Variants in TCEANC2 observed in about 807,000 individuals in gnomAD.
TCEANC2 encodes the protein transcription elongation factor A N-terminal and central domain-containing protein 2.
A neutral mutation model predicts 22.8 loss-of-function variants in TCEANC2; 20 were observed. The ratio of observed to expected loss-of-function variants is 0.88; its 90% CI spans 0.62 to 1.28. TCEANC2 has a LOEUF of 1.28. TCEANC2 is among the 50% of genes most tolerant of loss of function. TCEANC2 has a pLI of 0.00. For synonymous variants in TCEANC2, 84 were observed against 95.5 expected (o/e 0.88, Z 0.70); for missense variants, 251 against 249.7 (o/e 1.01, Z -0.03).
At chr1:54,107,701 T>C (rs974262932), downstream of TCEANC2, among the ~76,000 whole-genome samples, 1 of 152,246 alleles carries the variant, frequency 6.6e-6, no homozygotes, top group Non-Finnish European at 1.5e-5. Flanking sequence ...ATAGTGATCA[T>C]AAATTCATAT....
At chr1:54,074,210 T>A (rs927273594) in intron 3 of TCEANC2, among the ~76,000 whole-genome samples, 1 of 152,134 alleles carries the variant, frequency 6.6e-6, no homozygotes, top group Non-Finnish European at 1.5e-5. Flanking sequence ...AGGCCTGTAA[T>A]CTCAGCACTT....
chr1:54,060,499 G>T (rs938442002), intron 2 of TCEANC2, among the ~76,000 whole-genome samples: 15 of 152,050 alleles, frequency 9.9e-5, no homozygotes, highest in African/African-American at 3.1e-4. Flanking sequence ...AGCTCAGGAG[G>T]TTGAGGCTGT....
intron 3 of TCEANC2, among the ~76,000 whole-genome samples, chr1:54,076,532 T>C (rs1404127925): frequency 6.6e-6 from 1 of 152,210 alleles, no homozygotes; most frequent in African/African-American, 2.4e-5. Context: ...TGATTCCATG[T>C]CTTTGCTATT....
At chr1:54,070,059 C>G (rs1424338880) in intron 3 of TCEANC2, among the ~76,000 whole-genome samples, 1 of 152,170 alleles carries the variant, frequency 6.6e-6, no homozygotes, top group Non-Finnish European at 1.5e-5. Context: ...AGAACTGGCA[C>G]TAACAGCTGG....
At position 54,096,914 on chromosome 1, in the gene TCEANC2, C is replaced by G; in HGVS notation, c.*441C>G. ...CCCTGAGTTTAGATAGCTCTGGTGC[C>G]TCTCAGAACTCCCCTGTCTGTTCTC... is the stretch of plus-strand genomic sequence containing the variant. On this transcript the variant is annotated 3_prime_UTR_variant, in exon 5 of 5. Coordinates refer to ENST00000234827, the MANE Select transcript of TCEANC2 (RefSeq NM_153035.3). The surrounding 1 kb of genome is among the most constrained non-coding windows in gnomAD (Gnocchi z 4.9). 7 of 987,886 alleles carry G rather than the reference C, an allele frequency of 7.1e-6. No individual in the cohort carries two copies. Among genetic ancestry groups the G allele is most frequent in the Non-Finnish European group, 7.2e-6 (6 of 831,282 alleles). 61.2% of individuals were successfully genotyped at this position (987,886 alleles called of 1,614,324 possible).
chr1:54,096,022 G>A lies in TCEANC2; in HGVS notation c.439-263G>A, dbSNP rs1429290767. Among the ~76,000 whole-genome samples, 3 of 152,176 alleles carry A rather than the reference G, an allele frequency of 2.0e-5. No homozygotes were observed. Among genetic ancestry groups the A allele is most frequent in the African/African-American group, 7.2e-5 (3 of 41,446 alleles). ...TGGTAAAGTACAGGGCCCAGTACCC[G>A]TTGCTTAGTTCAGGCCAGTTTCCTG... is the stretch of plus-strand genomic sequence containing the variant. On this transcript the variant is annotated intron_variant, in intron 4 of 4. Coordinates refer to ENST00000234827, the MANE Select transcript of TCEANC2 (RefSeq NM_153035.3). The surrounding 1 kb of genome is among the most constrained non-coding windows in gnomAD (Gnocchi z 4.9).
At chr1:54,086,917 G>A (rs1043464134) in intron 3 of TCEANC2, among the ~76,000 whole-genome samples, 1 of 152,178 alleles carries the variant, frequency 6.6e-6, no homozygotes, top group Non-Finnish European at 1.5e-5. Context: ...AGGAAAAGGA[G>A]GAATCCTGGA....
At chr1:54,062,824 C>A (rs936817767) in intron 2 of TCEANC2, among the ~76,000 whole-genome samples, 4 of 152,260 alleles carry the variant, frequency 2.6e-5, no homozygotes, top group Admixed American at 2.6e-4. Flanking sequence ...GTATCTGGAG[C>A]AAATGATGAG....
At chr1:54,088,815 G>A (rs1445973024) in intron 4 of TCEANC2, 25 bp downstream of exon 4, 1 of 1,459,562 alleles carries the variant, frequency 6.9e-7, no homozygotes, top group Non-Finnish European at 9.2e-7. Context: ...ATATACAACT[G>A]TTATGTACCC....
At chr1:54,109,180 G>C (rs968108458), downstream of TCEANC2, among the ~76,000 whole-genome samples, 3 of 152,216 alleles carry the variant, frequency 2.0e-5, no homozygotes, top group Non-Finnish European at 2.9e-5. Flanking sequence ...CTGGCCCGGA[G>C]GGTATCAGGA....
At chr1:54,069,668 C>G (rs1658021424) in intron 3 of TCEANC2, among the ~76,000 whole-genome samples, 1 of 149,916 alleles carries the variant, frequency 6.7e-6, no homozygotes, top group South Asian at 2.1e-4. Flanking sequence ...CAAATGGGAA[C>G]AGTGAAATAT....
At chr1:54,064,692 CTTTTTTT>C (rs67486092) in intron 2 of TCEANC2, among the ~76,000 whole-genome samples, 8 of 93,672 alleles carry the variant, frequency 8.5e-5, no homozygotes, top group Non-Finnish European at 1.4e-4. Flanking sequence ...TGCATTTTTC[CTTTTTTT>C]TTTTTTTTTT....
downstream of TCEANC2, among the ~76,000 whole-genome samples, chr1:54,107,942 T>G (rs1658784081): frequency 6.6e-6 from 1 of 152,210 alleles, no homozygotes; most frequent in Non-Finnish European, 1.5e-5. Context: ...AAGAAGGGGA[T>G]GGTATTTGTA....
chr1:54,092,544 C>A (rs1385770696), intron 4 of TCEANC2, among the ~76,000 whole-genome samples: 1 of 152,182 alleles, frequency 6.6e-6, no homozygotes, highest in African/African-American at 2.4e-5. Flanking sequence ...GAAGGGCATT[C>A]ATTTAACAAA....
At chr1:54,075,725 C>G (rs1456834676) in intron 3 of TCEANC2, among the ~76,000 whole-genome samples, 1 of 152,104 alleles carries the variant, frequency 6.6e-6, no homozygotes, top group African/African-American at 2.4e-5. Flanking sequence ...AATAAAGAAG[C>G]CTGTTTGGCC....
At position 54,096,449 on chromosome 1, in the gene TCEANC2, G is replaced by A. The variant is rs770507010; in HGVS notation, c.603G>A (p.Thr201=). ...AGAGCGGCTCGCTGCCAGTCGGCAC[G>A]TTTGTACAGACCCACAAAAAGTGAC... ...QVKSGSLPVG[T]FVQTHKK is the part of the protein sequence containing the mutation. The change falls in exon 5 of 5, where the codon ACG becomes ACA. Residue 201 remains threonine, a synonymous_variant. Coordinates refer to ENST00000234827, the MANE Select transcript of TCEANC2 (RefSeq NM_153035.3). This position sits in a 1 kb window ranked among gnomAD's most constrained non-coding sequence, Gnocchi z 4.9. 7 of 1,609,590 alleles carry A rather than the reference G, an allele frequency of 4.3e-6. No individual in the cohort carries two copies. Among genetic ancestry groups the A allele is most frequent in the Admixed American group, 1.7e-5 (1 of 59,970 alleles).
intron 3 of TCEANC2, among the ~76,000 whole-genome samples, chr1:54,079,414 T>A (rs1196347400): frequency 3.9e-5 from 6 of 152,142 alleles, no homozygotes; most frequent in Admixed American, 3.9e-4. Flanking sequence ...TGTTATGCCA[T>A]CTCCTGAAAC....
At chr1:54,059,473 A>G (rs185694045) in intron 2 of TCEANC2, among the ~76,000 whole-genome samples, 18 of 152,238 alleles carry the variant, frequency 1.2e-4, no homozygotes, top group Admixed American at 4.6e-4. Context: ...TATTTTATTT[A>G]CTTCTCTGCC....
chr1:54,063,165 G>T (rs770708475), intron 2 of TCEANC2, among the ~76,000 whole-genome samples: 40 of 152,232 alleles, frequency 2.6e-4, no homozygotes, highest in Non-Finnish European at 4.9e-4. Context: ...ATAAGACCTC[G>T]GGCTAATGTG....
Sources: allele counts gnomAD v4.1 joint callset (sites outside exome capture counted in the v4.1 genomes callset), GRCh38; gene constraint gnomAD v4.1.1; non-coding constraint Gnocchi (gnomAD v3.1); transcripts MANE v1.5; gene names NCBI Gene and HGNC (gene_info 2026-07-23, HGNC 2026-07-21).